Variants in TBC1D1 observed in about 807,000 individuals in gnomAD.
TBC1D1 encodes the protein TBC1 (tre-2/USP6, BUB2, cdc16) domain family, member 1.
A neutral mutation model predicts 125.6 loss-of-function variants in TBC1D1; 89 were observed. That is an observed-to-expected ratio of 0.71 (90% CI 0.60 to 0.85). The LOEUF (loss-of-function observed/expected upper bound fraction) is 0.85, where lower values mean the gene tolerates loss of function less well. Ranked by LOEUF, TBC1D1 falls within the 40% of genes least tolerant of loss-of-function variation. The probability of loss-of-function intolerance (pLI) is 0.00; values close to 1 mark genes in which losing one functional copy is unlikely to be tolerated. For missense variants in TBC1D1, 1,377 were observed against 1,469.2 expected (o/e 0.94, Z 1.03); for synonymous variants, 565 against 564.1 (o/e 1.00, Z -0.02).
At chr4:38,062,282 C>G (rs886076518) in intron 12 of TBC1D1, among the ~76,000 whole-genome samples, 1 of 146,244 alleles carries the variant, frequency 6.8e-6, no homozygotes, top group Non-Finnish European at 1.5e-5. Flanking sequence ...TTTTTTTTTT[C>G]CCTGCGTGTT....
intron 2 of TBC1D1, among the ~76,000 whole-genome samples, chr4:37,975,143 AGGGT>A (rs1030326525): frequency 6.6e-6 from 1 of 152,192 alleles, no homozygotes; most frequent in African/African-American, 2.4e-5. Flanking sequence ...ACAAAGGGGC[AGGGT>A]AAGGAGTGTG....
rs772278750 is a variant in TBC1D1 at position 38,014,479 on chromosome 4, T to C, written c.418-30T>C. On this transcript the variant is annotated intron_variant, in intron 2 of 19. Transcript: ENST00000261439. The surrounding 1 kb of genome is among the most constrained non-coding windows in gnomAD (Gnocchi z 5.1). ...CGTGAGTGCCAGCCACACTGCATGT[T>C]CCAAATAACACGCCTCTCTCTCTCC... 5.6e-6 allele frequency: 9 copies of C among 1,601,414 alleles called. No individual in the cohort carries two copies. The highest frequency in any genetic ancestry group is 7.7e-6 in the Non-Finnish European group (9 of 1,170,820).
intron 2 of TBC1D1, among the ~76,000 whole-genome samples, chr4:37,994,451 C>T (rs1278503005): frequency 6.6e-6 from 1 of 152,018 alleles, no homozygotes; most frequent in Admixed American, 6.6e-5. Flanking sequence ...CACTGTGTTG[C>T]CCAGGCTGGT....
At chr4:38,104,422 G>A (rs1760911987) in intron 15 of TBC1D1, among the ~76,000 whole-genome samples, 1 of 152,198 alleles carries the variant, frequency 6.6e-6, no homozygotes, top group African/African-American at 2.4e-5. Context: ...ACAGGGCCAG[G>A]TGGCAATGCA....
At chr4:37,956,893 C>T (rs557541138) in intron 2 of TBC1D1, among the ~76,000 whole-genome samples, 6 of 151,044 alleles carry the variant, frequency 4.0e-5, no homozygotes, top group African/African-American at 9.7e-5. Context: ...GAGCAGAGAT[C>T]GCGCCACCGC....
intron 1 of TBC1D1, among the ~76,000 whole-genome samples, chr4:37,899,909 A>T (rs2152219069): frequency 6.6e-6 from 1 of 151,622 alleles, no homozygotes; most frequent in South Asian, 2.1e-4. Context: ...ACACGAGGTC[A>T]GGAGATCGAG....
At chr4:38,081,381 C>T (rs1485252008) in intron 12 of TBC1D1, among the ~76,000 whole-genome samples, 2 of 151,958 alleles carry the variant, frequency 1.3e-5, no homozygotes, top group Non-Finnish European at 2.9e-5. Context: ...AAGGCCAAAA[C>T]CCCACCCCTC....
chr4:38,086,495 A>C (rs938127630), intron 12 of TBC1D1, among the ~76,000 whole-genome samples: 12 of 152,344 alleles, frequency 7.9e-5, no homozygotes, highest in African/African-American at 2.9e-4. Context: ...GCTGACCTTT[A>C]CAGTGGATCA....
chr4:37,934,371 G>T (rs763188180), intron 2 of TBC1D1, among the ~76,000 whole-genome samples: 7 of 152,152 alleles, frequency 4.6e-5, no homozygotes, highest in Non-Finnish European at 8.8e-5. Context: ...CCAGGCACAG[G>T]GTTAGGGTCA....
At chr4:37,980,273 G>A (rs1734087120) in intron 2 of TBC1D1, among the ~76,000 whole-genome samples, 1 of 152,200 alleles carries the variant, frequency 6.6e-6, no homozygotes, top group Non-Finnish European at 1.5e-5. Flanking sequence ...GAACATTAGG[G>A]CAGGTGTACA....
chr4:38,022,967 A>T (rs1423483862), intron 6 of TBC1D1, among the ~76,000 whole-genome samples: 5 of 152,214 alleles, frequency 3.3e-5, no homozygotes, highest in African/African-American at 1.2e-4. Context: ...CTGTAATTCC[A>T]GCGCTTGGGG....
At chr4:38,046,370 TAAAA>T (rs11438975) in intron 10 of TBC1D1, among the ~76,000 whole-genome samples, 1 of 143,038 alleles carries the variant, frequency 7.0e-6, no homozygotes, top group Non-Finnish European at 1.5e-5. Context: ...AGACTCTGTG[TAAAA>T]AAAAAAAAGC....
At chr4:37,940,077 A>G (rs1330612660) in intron 2 of TBC1D1, among the ~76,000 whole-genome samples, 16 of 151,876 alleles carry the variant, frequency 1.1e-4, no homozygotes, top group Non-Finnish European at 1.8e-4. Flanking sequence ...TTGGTAGCTT[A>G]ATGGGGATGG....
chr4:37,927,721 T>C (rs1467231970), intron 2 of TBC1D1, among the ~76,000 whole-genome samples: 1 of 152,212 alleles, frequency 6.6e-6, no homozygotes, highest in African/African-American at 2.4e-5. Flanking sequence ...TGCTTTTGTT[T>C]GGTTAATGCA....
intron 12 of TBC1D1, among the ~76,000 whole-genome samples, chr4:38,063,048 C>T (rs1753060362): frequency 6.6e-6 from 1 of 152,144 alleles, no homozygotes; most frequent in Non-Finnish European, 1.5e-5. Context: ...TGCCTGTGTG[C>T]CTGCAGGAGA....
At chr4:38,037,265 A>G (rs899661607) in intron 8 of TBC1D1, among the ~76,000 whole-genome samples, 1 of 151,844 alleles carries the variant, frequency 6.6e-6, no homozygotes, top group African/African-American at 2.4e-5. Flanking sequence ...CAATGGAGAA[A>G]TGTGTTTAAT....
chr4:37,918,966 T>G (rs1720320285), intron 2 of TBC1D1, among the ~76,000 whole-genome samples: 2 of 152,160 alleles, frequency 1.3e-5, no homozygotes, highest in South Asian at 4.1e-4. Flanking sequence ...GTTGAATAAA[T>G]TTCCTTCTAA....
chr4:38,072,895 G>A (rs111962046), intron 12 of TBC1D1, among the ~76,000 whole-genome samples: 3,246 of 152,112 alleles, frequency 0.021, 57 homozygotes, highest in Middle Eastern at 0.048. Flanking sequence ...GGTTTATTTC[G>A]CTTAGCATAA....
At chr4:37,931,480 T>G (rs1320194914) in intron 2 of TBC1D1, among the ~76,000 whole-genome samples, 1 of 152,040 alleles carries the variant, frequency 6.6e-6, no homozygotes, top group East Asian at 1.9e-4. Context: ...CTGACCTTTT[T>G]CCACTCTTTT....
Sources: allele counts gnomAD v4.1 joint callset (sites outside exome capture counted in the v4.1 genomes callset), GRCh38; gene constraint gnomAD v4.1.1; non-coding constraint Gnocchi (gnomAD v3.1); transcripts MANE v1.5; gene names NCBI Gene and HGNC (gene_info 2026-07-23, HGNC 2026-07-21).